The following PALLD variants were observed in gnomAD, a reference collection of about 807,000 sequenced individuals.
PALLD encodes palladin.
PALLD carries 61 observed loss-of-function variants against 123.5 expected under a neutral mutation model. The ratio of observed to expected loss-of-function variants is 0.49; its 90% CI spans 0.40 to 0.61. PALLD has a LOEUF of 0.61. Among genes scored for constraint, PALLD ranks in the 20% least tolerant of loss-of-function variants. The pLI is 0.00. For synonymous variants in PALLD, 465 were observed against 496.4 expected, an observed-to-expected ratio of 0.94 and a Z score of 0.84; for missense variants, 1,273 against 1,377.0, an observed-to-expected ratio of 0.92 and a Z score of 1.20.
intron 2 of PALLD, among the ~76,000 whole-genome samples, chr4:168,653,850 G>A (rs111253540): frequency 0.035 from 5,275 of 151,826 alleles, 319 homozygotes; most frequent in African/African-American, 0.12. Context: ...ACAGGCACCC[G>A]CCACCATGCC....
At chr4:168,685,810 GAAAAAAAAAAAA>G (rs70961550) in intron 6 of PALLD, among the ~76,000 whole-genome samples, 8 of 65,632 alleles carry the variant, frequency 1.2e-4, no homozygotes, top group African/African-American at 2.3e-4. Flanking sequence ...AAGACAGATA[GAAAAAAAAAAAA>G]AAAAAAAAAA....
chr4:168,541,025 G>C (rs1580213280), intron 2 of PALLD, among the ~76,000 whole-genome samples: 1 of 152,110 alleles, frequency 6.6e-6, no homozygotes, highest in South Asian at 2.1e-4. Context: ...TTCCCTGTGG[G>C]CAAAGATGAT....
chr4:168,800,369 G>A (rs1739149661), intron 10 of PALLD, among the ~76,000 whole-genome samples: 1 of 152,164 alleles, frequency 6.6e-6, no homozygotes, highest in African/African-American at 2.4e-5. Context: ...ACCAGAATAT[G>A]TGGGTTACAA....
Position 168,709,021 on chromosome 4 carries a change from C to G in PALLD, c.1502-7C>G, listed in dbSNP as rs1484841921. 1 of 1,613,336 alleles carries G rather than the reference C, an allele frequency of 6.2e-7. No individual in the cohort carries two copies. ...CTGATGAATGATTCTGTTCTCTTCA[C>G]TTCCAGAGGAGATTTGCACCCTAGT... On this transcript the variant is annotated splice_region_variant and splice_polypyrimidine_tract_variant and intron_variant, in intron 8 of 21. Coordinates refer to ENST00000505667, the MANE Select transcript of PALLD (RefSeq NM_001166108.2).
At chr4:168,528,175 T>C (rs1764256576) in intron 2 of PALLD, among the ~76,000 whole-genome samples, 1 of 152,210 alleles carries the variant, frequency 6.6e-6, no homozygotes, top group Admixed American at 6.5e-5. Context: ...AAACCTAAAA[T>C]GATGATGACC....
intron 2 of PALLD, among the ~76,000 whole-genome samples, chr4:168,620,337 C>T (rs1368110070): frequency 6.6e-6 from 1 of 152,104 alleles, no homozygotes; most frequent in Non-Finnish European, 1.5e-5. Flanking sequence ...CTCCTGTAAT[C>T]GCAGCTACTC....
At chr4:168,713,145 GTTCTGGCTCTCTTTT>G (rs2150220019) in intron 10 of PALLD, among the ~76,000 whole-genome samples, 1 of 152,174 alleles carries the variant, frequency 6.6e-6, no homozygotes, top group East Asian at 1.9e-4. Context: ...TTTGCATTGT[GTTCTGGCTCTCTTTT>G]AAGACAGTAG....
At chr4:168,750,726 A>G (rs991963996) in intron 10 of PALLD, among the ~76,000 whole-genome samples, 13 of 152,196 alleles carry the variant, frequency 8.5e-5, no homozygotes, top group African/African-American at 3.1e-4. Flanking sequence ...TGGGTTTGAC[A>G]GAAACACTAT....
Position 168,898,562 on chromosome 4 carries a change from G to A in PALLD, c.2320G>A (p.Val774Met). The change falls in exon 14 of 22, where the codon GTG (valine) becomes ATG (methionine). Residue 774 changes from valine to methionine, a missense_variant. Val to Met is a conservative substitution (Grantham distance 21). Around this residue, in one of 2 missense-constraint regions of PALLD, gnomAD observed 944 missense variants for 954.5 expected, o/e 0.99. Transcript: ENST00000505667. ...EIEYRLERSP[V>M]DESGDEVQYG... ...AGAGTACAGGCTAGAAAGGTCTCCT[G>A]TGGATGAATCAGGTGATGAAGTTCA... 1 of 1,614,000 alleles carries A rather than the reference G, an allele frequency of 6.2e-7. No homozygotes were observed. Among genetic ancestry groups the A allele is most frequent in the Non-Finnish European group, 8.5e-7 (1 of 1,179,830 alleles).
chr4:168,581,585 A>G (rs1770283986), intron 2 of PALLD, among the ~76,000 whole-genome samples: 2 of 151,916 alleles, frequency 1.3e-5, no homozygotes, highest in Admixed American at 6.6e-5. Context: ...ATTTCTAAGT[A>G]GGGTTATTTG....
chr4:168,758,042 G>A (rs2150416964), intron 10 of PALLD, among the ~76,000 whole-genome samples: 1 of 152,336 alleles, frequency 6.6e-6, no homozygotes, highest in Non-Finnish European at 1.5e-5. Flanking sequence ...CTACACTCCA[G>A]CCTGGGCGAC....
At chr4:168,703,055 C>A in intron 8 of PALLD, among the ~76,000 whole-genome samples, 1 of 109,518 alleles carries the variant, frequency 9.1e-6, no homozygotes, top group Admixed American at 1.0e-4. Flanking sequence ...CTATCCCTCC[C>A]CCCTCCCCCC....
chr4:168,629,393 A>G (rs1298111373), intron 2 of PALLD, among the ~76,000 whole-genome samples: 2 of 152,342 alleles, frequency 1.3e-5, no homozygotes, highest in East Asian at 3.9e-4. Context: ...GTCTACAGAG[A>G]AAACTATTAT....
In PALLD at chr4:168,658,284, G is replaced by GTTTTTT. The variant is rs755942969; in HGVS notation, c.909-9906_909-9905insTTTTTT. Among the ~76,000 whole-genome samples the GTTTTTT allele has an allele frequency of 2.2e-3, 263 of 120,652 alleles. 6 individuals carry two copies. Among genetic ancestry groups the GTTTTTT allele is most frequent in the Admixed American group, 6.4e-3 (75 of 11,724 alleles). 79.2% of individuals were successfully genotyped at this position (120,652 alleles called of 152,430 possible). ...TTTTGTTGGTGGTGGGTTTTTATTTGGTTTTTTTTTTTTTTTTTGTGATGA... is the reference window on the plus strand; with the variant it reads ...TTTTGTTGGTGGTGGGTTTTTATTTGTTTTTTGTTTTTTTTTTTTTTTTTGTGATGA... On this transcript the variant is annotated intron_variant, in intron 2 of 21. Transcript: ENST00000505667.
At chr4:168,536,873 G>A (rs1434960935) in intron 2 of PALLD, among the ~76,000 whole-genome samples, 1 of 151,180 alleles carries the variant, frequency 6.6e-6, no homozygotes, top group Non-Finnish European at 1.5e-5. Context: ...TGTCTCCCAG[G>A]CTGGAGTGCA....
At chr4:168,828,442 A>G (rs1043589762) in intron 10 of PALLD, among the ~76,000 whole-genome samples, 1 of 152,216 alleles carries the variant, frequency 6.6e-6, no homozygotes, top group Non-Finnish European at 1.5e-5. Context: ...CATGTTACCT[A>G]TGCTGAGCAT....
intron 10 of PALLD, among the ~76,000 whole-genome samples, chr4:168,770,888 G>A (rs1259954665): frequency 4.6e-5 from 7 of 152,002 alleles, no homozygotes; most frequent in Middle Eastern, 3.2e-3. Flanking sequence ...GCAAAACCCC[G>A]TTTCTACTAA....
chr4:168,578,064 G>A (rs915987900), intron 2 of PALLD, among the ~76,000 whole-genome samples: 3 of 151,998 alleles, frequency 2.0e-5, no homozygotes, highest in Non-Finnish European at 4.4e-5. Flanking sequence ...GATATACTGA[G>A]GCAAAGTAGC....
At chr4:168,638,752 C>T (rs1036236445) in intron 2 of PALLD, among the ~76,000 whole-genome samples, 4 of 151,140 alleles carry the variant, frequency 2.6e-5, no homozygotes, top group African/African-American at 9.7e-5. Flanking sequence ...TAACCCTATT[C>T]ATGAGGCTCT....
Sources: allele counts gnomAD v4.1 joint callset (sites outside exome capture counted in the v4.1 genomes callset), GRCh38; gene constraint gnomAD v4.1.1; regional missense constraint gnomAD v4.1.1; transcripts MANE v1.5; gene names NCBI Gene and HGNC (gene_info 2026-07-23, HGNC 2026-07-21).